The following UGT1A10 variants were observed in gnomAD, a reference collection of about 807,000 sequenced individuals.
UGT1A10 encodes the protein UDP-glucuronosyltransferase 1A10.
In UGT1A10, 49 loss-of-function variants were observed where a neutral mutation model predicts 45.8. The observed-to-expected ratio is 1.07, with a 90% confidence interval of 0.85 to 1.36. The LOEUF (loss-of-function observed/expected upper bound fraction) is 1.36, where lower values mean the gene tolerates loss of function less well. Ranked by LOEUF, UGT1A10 falls within the 40% of genes most tolerant of loss-of-function variation. The pLI is 0.00. For missense variants in UGT1A10, 745 were observed against 668.6 expected (o/e 1.11, Z -1.26); for synonymous variants, 284 against 249.7 (o/e 1.14, Z -1.29).
chr2:233,648,024 T>C (rs1327604633), intron 1 of UGT1A10: 95 of 1,596,020 alleles, frequency 6.0e-5, no homozygotes, highest in Non-Finnish European at 7.9e-5. Context: ...CAGAGGTGAG[T>C]TGGCAACTGG....
rs374192063 is a variant in UGT1A10, at chr2:233,743,919, T to C, written c.856-23115T>C. On this transcript the variant is annotated intron_variant, in intron 1 of 4. Coordinates refer to ENST00000344644, the MANE Select transcript of UGT1A10 (RefSeq NM_019075.4). ...AGCACCTCGTAGTAGTCCACCATGC[T>C]GGATGGCCAGAACGGCCCACCAGGC... The C allele has an allele frequency of 3.5e-4, 473 of 1,363,952 alleles. 9 individuals are homozygous for C. The highest frequency in any genetic ancestry group is 2.5e-3 in the African/African-American group (172 of 67,460). 84.5% of individuals were successfully genotyped at this position (1,363,952 alleles called of 1,614,324 possible).
At position 233,727,644 on chromosome 2, in the gene UGT1A10, C is replaced by A. The variant is rs139554548; in HGVS notation, c.856-39390C>A. Among the ~76,000 whole-genome samples the A allele has an allele frequency of 3.5e-3, 526 of 152,272 alleles. 4 individuals are homozygous for A. The highest frequency in any genetic ancestry group is 0.012 in the African/African-American group (505 of 41,558). Reference sequence around the variant, plus strand: ...AGAGGTTGCACCCACAGCTGAGAATCCCTTTCTAGTGCTCTATGTCCTTAC... The same window carrying A: ...AGAGGTTGCACCCACAGCTGAGAATACCTTTCTAGTGCTCTATGTCCTTAC... On this transcript the variant is annotated intron_variant, in intron 1 of 4. Transcript: ENST00000344644.
At chr2:233,723,283 C>G (rs2077074487) in intron 1 of UGT1A10, among the ~76,000 whole-genome samples, 1 of 114,006 alleles carries the variant, frequency 8.8e-6, no homozygotes, top group Non-Finnish European at 1.7e-5. Context: ...GATGTTGGCT[C>G]ACTGCAACCT....
intron 1 of UGT1A10, among the ~76,000 whole-genome samples, chr2:233,676,768 G>A (rs542086900): frequency 6.6e-6 from 1 of 152,276 alleles, no homozygotes; most frequent in East Asian, 1.9e-4. Context: ...TAGACTTTTG[G>A]TAGGAAGACA....
Position 233,769,600 on chromosome 2 carries a change from G to C in UGT1A10, c.1295+1161G>C. ...GTTCAGATGAGAGGAGACGGAACAC[G>C]GGGACACACCAGCTTGAGCAAGGGA... is the stretch of plus-strand genomic sequence containing the variant. On this transcript the variant is annotated intron_variant, in intron 4 of 4. Coordinates refer to ENST00000344644, the MANE Select transcript of UGT1A10 (RefSeq NM_019075.4). The surrounding 1 kb of genome is among the most constrained non-coding windows in gnomAD (Gnocchi z 4.4). 6.2e-7 allele frequency: 1 copy of C among 1,612,786 alleles called. No individual in the cohort carries two copies. Among genetic ancestry groups the C allele is most frequent in the Non-Finnish European group, 8.5e-7 (1 of 1,179,854 alleles).
At chr2:233,662,295 A>C (rs912064287) in intron 1 of UGT1A10, among the ~76,000 whole-genome samples, 3 of 152,116 alleles carry the variant, frequency 2.0e-5, no homozygotes, top group Non-Finnish European at 4.4e-5. Flanking sequence ...TGACATACTC[A>C]AGTTTTTCTT....
In UGT1A10 at chr2:233,767,859, G is replaced by C. The variant is rs750453538; in HGVS notation, c.998G>C (p.Arg333Pro). ...LGKIPQTVLWRYTGTRPSNLA... is the reference protein window; with the variant it reads ...LGKIPQTVLWPYTGTRPSNLA... Reference sequence around the variant, plus strand: ...TTTTGCCCCTCCCAGGTCCTGTGGCGGTACACTGGAACCCGACCATCGAAT... The same window carrying C: ...TTTTGCCCCTCCCAGGTCCTGTGGCCGTACACTGGAACCCGACCATCGAAT... Residue 333 changes from arginine to proline, a missense_variant, in exon 3 of 5, where the codon CGG becomes CCG. Physicochemically the swap from Arg to Pro is moderately radical, Grantham distance 103 (BLOSUM62 -2). Transcript: ENST00000344644. 6.2e-7 allele frequency: 1 copy of C among 1,613,938 alleles called. No individual in the cohort carries two copies. The highest frequency in any genetic ancestry group is 1.3e-5 in the African/African-American group (1 of 74,850).
chr2:233,754,685 T>G (rs1172577930), intron 1 of UGT1A10: 1 of 484,648 alleles, frequency 2.1e-6, no homozygotes, highest in African/African-American at 2.0e-5. Context: ...CATCAACTAT[T>G]TCAGTGGAAG....
rs1377408060 is a variant in UGT1A10, at chr2:233,769,430, CTCA to C, written c.1295+993_1295+995del. Reference sequence around the variant, plus strand: ...GTGTGCGTTTGTGCATGTGGCTGTGCTCATGTGTGGGTGCACACGTGTGCATTC... The same window carrying C: ...GTGTGCGTTTGTGCATGTGGCTGTGCTGTGTGGGTGCACACGTGTGCATTC... On this transcript the variant is annotated intron_variant, in intron 4 of 4. Transcript: ENST00000344644. This position sits in a 1 kb window ranked among gnomAD's most constrained non-coding sequence, Gnocchi z 4.4. 42 of 1,537,292 alleles carry C rather than the reference CTCA, an allele frequency of 2.7e-5. No homozygotes were observed. The highest frequency in any genetic ancestry group is 3.7e-5 in the Non-Finnish European group (41 of 1,118,590).
At chr2:233,647,242 G>A (rs775039796) in intron 1 of UGT1A10, among the ~76,000 whole-genome samples, 1 of 152,146 alleles carries the variant, frequency 6.6e-6, no homozygotes, top group Non-Finnish European at 1.5e-5. Context: ...AATTCAAGAT[G>A]AGCTTTGGGT....
At chr2:233,755,921 AT>A (rs1696067229) in intron 1 of UGT1A10, 1 of 146,266 alleles carries the variant, frequency 6.8e-6, no homozygotes, top group Non-Finnish European at 1.5e-5. Context: ...GAAGAGTGGC[AT>A]CGTTTTACAG....
rs150934066 is a variant in UGT1A10 at position 233,719,055 on chromosome 2, G to A, written c.856-47979G>A. On this transcript the variant is annotated intron_variant, in intron 1 of 4. Coordinates refer to ENST00000344644, the MANE Select transcript of UGT1A10 (RefSeq NM_019075.4). ...AGAAGAGAAATTTTTCACCCTGACA[G>A]CCTATGCTGTTCCATGGACCCAGAA... 2,523 of 1,614,284 alleles carry A rather than the reference G, an allele frequency of 1.6e-3. 2 individuals carry two copies. Among genetic ancestry groups the A allele is most frequent in the Non-Finnish European group, 1.9e-3 (2,220 of 1,180,048 alleles).
chr2:233,642,979 A>G (rs1017438253), intron 1 of UGT1A10, among the ~76,000 whole-genome samples: 3 of 152,148 alleles, frequency 2.0e-5, no homozygotes, highest in African/African-American at 7.2e-5. Flanking sequence ...CATCACCACT[A>G]TGACTGTGCT....
At chr2:233,643,229 T>G (rs888420877) in intron 1 of UGT1A10, among the ~76,000 whole-genome samples, 1 of 152,170 alleles carries the variant, frequency 6.6e-6, no homozygotes, top group Non-Finnish European at 1.5e-5. Context: ...CACCTGGTAT[T>G]TTATTGTATT....
chr2:233,692,942 G>C (rs867020660), intron 1 of UGT1A10: 1 of 1,596,314 alleles, frequency 6.3e-7, no homozygotes, highest in African/African-American at 1.3e-5. Flanking sequence ...AAAATACCTA[G>C]GAGCCCTGTG....
rs181001855 is a variant in UGT1A10, at chr2:233,700,720, A to T, written c.855+63343A>T. Among the ~76,000 whole-genome samples, 157 of 151,936 alleles carry T rather than the reference A, an allele frequency of 1.0e-3. 1 individual carries two copies. Among genetic ancestry groups the T allele is most frequent in the African/African-American group, 3.4e-3 (142 of 41,440 alleles). On this transcript the variant is annotated intron_variant, in intron 1 of 4. Transcript: ENST00000344644. ...ACTTTGAATGTTTTTTTCTTTTTTT[A>T]AAAATTTTATTATTATTATACTTTA...
chr2:233,695,130 C>CTTTCTTTTTTTTT lies in UGT1A10; in HGVS notation c.855+57756_855+57757insCTTTTTTTTTTTT, dbSNP rs1364557158. ...GCCCATTAACCAACCCTTTTCTTTT[C>CTTTCTTTTTTTTT]TTTTTTTTTTTTTTGAGACAGAGTC... On this transcript the variant is annotated intron_variant, in intron 1 of 4. Coordinates refer to ENST00000344644, the MANE Select transcript of UGT1A10 (RefSeq NM_019075.4). Among the ~76,000 whole-genome samples the CTTTCTTTTTTTTT allele has an allele frequency of 2.6e-4, 36 of 138,832 alleles. 1 individual carries two copies. The highest frequency in any genetic ancestry group is 2.4e-4 in the African/African-American group (9 of 36,850). 91.1% of individuals were successfully genotyped at this position (138,832 alleles called of 152,430 possible).
chr2:233,727,191 G>T (rs764445830), intron 1 of UGT1A10, among the ~76,000 whole-genome samples: 1 of 152,118 alleles, frequency 6.6e-6, no homozygotes, highest in African/African-American at 2.4e-5. Flanking sequence ...CTTTGCTGGG[G>T]TGACCTCACT....
chr2:233,769,562 A>C lies in UGT1A10; in HGVS notation c.1295+1123A>C. The C allele has an allele frequency of 6.2e-7, 1 of 1,612,906 alleles. No homozygotes were observed. The highest frequency in any genetic ancestry group is 8.5e-7 in the Non-Finnish European group (1 of 1,179,830). ...GCAGCAGTCAGGAAGACAGATGTGA[A>C]GAGCTGGAGCATGTTCAGATGAGAG... On this transcript the variant is annotated intron_variant, in intron 4 of 4. Transcript: ENST00000344644. The surrounding 1 kb of genome is among the most constrained non-coding windows in gnomAD (Gnocchi z 4.4).
Sources: allele counts gnomAD v4.1 joint callset (sites outside exome capture counted in the v4.1 genomes callset), GRCh38; gene constraint gnomAD v4.1.1; non-coding constraint Gnocchi (gnomAD v3.1); transcripts MANE v1.5; gene names NCBI Gene and HGNC (gene_info 2026-07-23, HGNC 2026-07-21).